The following CFAP251 variants were observed in gnomAD, a reference collection of about 807,000 sequenced individuals.
CFAP251 encodes cilia- and flagella-associated protein 251.
A neutral mutation model predicts 126.7 loss-of-function variants in CFAP251; 93 were observed. The observed-to-expected ratio is 0.73, with a 90% CI of 0.62 to 0.87. The LOEUF (loss-of-function observed/expected upper bound fraction) is 0.87. Among genes scored for constraint, CFAP251 ranks in the 40% least tolerant of loss-of-function variants. The pLI, the probability that CFAP251 is intolerant of heterozygous loss-of-function variation, is 0.00. For synonymous variants in CFAP251, 503 were observed against 506.9 expected, an observed-to-expected ratio of 0.99 and a Z score of 0.10; for missense variants, 1,287 against 1,389.2, an observed-to-expected ratio of 0.93 and a Z score of 1.17.
intron 1 of CFAP251, 47 bp from the exon 2 acceptor site, chr12:121,921,239 A>T (rs1880157044): frequency 2.6e-6 from 4 of 1,522,270 alleles, no homozygotes; most frequent in African/African-American, 1.4e-5. Flanking sequence ...GGAGATGGAA[A>T]TGGGAAGCTG....
chr12:121,920,076 C>T (rs956841832), intron 1 of CFAP251, among the ~76,000 whole-genome samples: 3 of 151,182 alleles, frequency 2.0e-5, no homozygotes, highest in African/African-American at 7.3e-5. Context: ...CCCAGCTGCT[C>T]GGGAGGCTGA....
At position 121,999,894 on chromosome 12, in the gene CFAP251, G is replaced by A; in HGVS notation, c.3185G>A (p.Gly1062Glu). Reference sequence around the variant, plus strand: ...GTGCTCGGTTATACCAACTCCAAAGGGAAAAAGGCCATTCGAAGAGAGGAC... The same window carrying A: ...GTGCTCGGTTATACCAACTCCAAAGAGAAAAAGGCCATTCGAAGAGAGGAC... ...FEVLGYTNSKGKKAIRREDFL... is the reference protein window; with the variant it reads ...FEVLGYTNSKEKKAIRREDFL... Residue 1062 changes from glycine (G) to glutamate (E), a missense_variant, in exon 20 of 22, where the codon GGG becomes GAG. Physicochemically the swap from Gly to Glu is moderately conservative, Grantham distance 98. Transcript: ENST00000288912. 6.2e-7 allele frequency: 1 copy of A among 1,613,932 alleles called. No homozygotes were observed. The highest frequency in any genetic ancestry group is 8.5e-7 in the Non-Finnish European group (1 of 1,179,870).
chr12:121,998,488 T>TATATA (rs1230224761), intron 19 of CFAP251: 16 of 105,510 alleles, frequency 1.5e-4, no homozygotes, highest in South Asian at 3.0e-4. Context: ...TATATATATA[T>TATATA]GATTGTGTTA....
chr12:121,937,729 C>G (rs1028163786), intron 5 of CFAP251, among the ~76,000 whole-genome samples: 1 of 152,160 alleles, frequency 6.6e-6, no homozygotes, highest in Non-Finnish European at 1.5e-5. Context: ...GACACAGGAA[C>G]TGCTCTCCCA....
chr12:121,929,950 T>C (rs564060104), intron 3 of CFAP251, among the ~76,000 whole-genome samples: 4 of 152,120 alleles, frequency 2.6e-5, no homozygotes, highest in Non-Finnish European at 5.9e-5. Context: ...AGTGTTGGGA[T>C]TACAGGCGTG....
At chr12:121,995,188 G>A (rs1882995884) in intron 19 of CFAP251, among the ~76,000 whole-genome samples, 1 of 152,224 alleles carries the variant, frequency 6.6e-6, no homozygotes, top group Non-Finnish European at 1.5e-5. Flanking sequence ...GGCAGAGCCA[G>A]AGTTTGAACC....
chr12:121,960,320 A>G (rs1881886708), intron 13 of CFAP251, among the ~76,000 whole-genome samples: 1 of 152,080 alleles, frequency 6.6e-6, no homozygotes, highest in East Asian at 1.9e-4. Flanking sequence ...CCCAGGTTCA[A>G]GCAATTCTTG....
intron 19 of CFAP251, among the ~76,000 whole-genome samples, chr12:121,988,747 C>CTTTTTT (rs199716724): frequency 7.2e-6 from 1 of 138,962 alleles, no homozygotes; most frequent in Non-Finnish European, 1.6e-5. Flanking sequence ...TTTTTTTTCT[C>CTTTTTT]TTTTTTTTTT....
At chr12:121,956,387 T>C (rs1027271000) in intron 10 of CFAP251, among the ~76,000 whole-genome samples, 2 of 152,216 alleles carry the variant, frequency 1.3e-5, no homozygotes, top group Admixed American at 1.3e-4. Context: ...GCTTTAGATA[T>C]ACCTGGGTTC....
intron 12 of CFAP251, among the ~76,000 whole-genome samples, 198 bp from the exon 13 acceptor site, chr12:121,958,745 C>T (rs1464105977): frequency 2.0e-5 from 3 of 152,200 alleles, no homozygotes; most frequent in Non-Finnish European, 2.9e-5. Flanking sequence ...CTCTGGGGCT[C>T]CCGCGGTGTC....
chr12:121,982,458 C>T (rs1882645421), intron 19 of CFAP251, among the ~76,000 whole-genome samples: 1 of 151,964 alleles, frequency 6.6e-6, no homozygotes, highest in African/African-American at 2.4e-5. Flanking sequence ...CAGTTCACCG[C>T]ACCTCCACCT....
chr12:121,999,569 C>T, intron 19 of CFAP251, 147 bp from the exon 20 acceptor site: 1 of 590,680 alleles, frequency 1.7e-6, no homozygotes. Flanking sequence ...CTCCTGGCCT[C>T]AAGTGATCCT....
chr12:121,936,927 G>A (rs1198067691), intron 5 of CFAP251, among the ~76,000 whole-genome samples: 1 of 152,152 alleles, frequency 6.6e-6, no homozygotes, highest in Non-Finnish European at 1.5e-5. Context: ...GAAAGAGCAG[G>A]TGGCAGGAGG....
At chr12:121,987,663 T>G (rs1197918781) in intron 19 of CFAP251, among the ~76,000 whole-genome samples, 2 of 137,424 alleles carry the variant, frequency 1.5e-5, no homozygotes, top group East Asian at 2.1e-4. Flanking sequence ...TGCAGTGAGC[T>G]AAGATGGCAC....
chr12:121,965,671 A>G (rs868586379), intron 15 of CFAP251, among the ~76,000 whole-genome samples: 1 of 152,170 alleles, frequency 6.6e-6, no homozygotes, highest in Non-Finnish European at 1.5e-5. Context: ...GCAAATTACC[A>G]ATGAAGCATG....
chr12:121,985,736 C>T (rs1444035360), intron 19 of CFAP251, among the ~76,000 whole-genome samples: 1 of 151,658 alleles, frequency 6.6e-6, no homozygotes, highest in African/African-American at 2.4e-5. Flanking sequence ...GCTGGGACTA[C>T]AGGCCCTCCA....
At chr12:122,001,656 T>C (rs1407983386) in intron 21 of CFAP251, 58 bp downstream of exon 21, 3 of 1,323,174 alleles carry the variant, frequency 2.3e-6, no homozygotes, top group Non-Finnish European at 3.3e-6. Context: ...TGTTGTAGAC[T>C]TCAGTACATT....
At position 121,928,700 on chromosome 12, in the gene CFAP251, ATATATT is replaced by A. The variant is rs72395410; in HGVS notation, c.748-3044_748-3039del. On this transcript the variant is annotated intron_variant, in intron 3 of 21. Coordinates refer to ENST00000288912, the MANE Select transcript of CFAP251 (RefSeq NM_144668.6). ...TATATATATATATACGTATATATAT[ATATATT>A]TTTTTTTTGAGACAGGGTCTTGCTC... Among the ~76,000 whole-genome samples the A allele has an allele frequency of 2.1e-3, 89 of 43,042 alleles. 1 individual carries two copies. The highest frequency in any genetic ancestry group is 3.7e-3 in the Non-Finnish European group (63 of 17,118). The allele number at this position is 43,042 out of a possible 152,430, so 28.2% of individuals were successfully genotyped here. A position where few individuals can be genotyped will look rare whatever the true frequency, so the allele number is the denominator to read the frequency against.
chr12:121,940,990 A>C (rs2135761896), intron 5 of CFAP251, among the ~76,000 whole-genome samples: 1 of 152,166 alleles, frequency 6.6e-6, no homozygotes, highest in South Asian at 2.1e-4. Context: ...TTCTTTTTGA[A>C]GGCAGCAAAG....
Sources: allele counts gnomAD v4.1 joint callset (sites outside exome capture counted in the v4.1 genomes callset), GRCh38; gene constraint gnomAD v4.1.1; transcripts MANE v1.5; gene names NCBI Gene and HGNC (gene_info 2026-07-23, HGNC 2026-07-21).